Variants in SH3RF2 observed in about 807,000 individuals in gnomAD.
The protein encoded by SH3RF2 is E3 ubiquitin-protein ligase SH3RF2.
In SH3RF2, 43 loss-of-function variants were observed where a neutral mutation model predicts 59.0. The observed-to-expected ratio is 0.73, with a 90% CI of 0.57 to 0.94. SH3RF2 has a LOEUF of 0.94. SH3RF2 is among the 40% of genes least tolerant of loss of function. SH3RF2 has a pLI of 0.00. For missense variants in SH3RF2, 930 were observed against 940.1 expected (o/e 0.99, Z 0.14); for synonymous variants, 391 against 391.5 (o/e 1.00, Z 0.01).
intron 9 of SH3RF2, among the ~76,000 whole-genome samples, chr5:146,075,207 C>A (rs1763318286): frequency 6.6e-6 from 1 of 152,166 alleles, no homozygotes; most frequent in African/African-American, 2.4e-5. Flanking sequence ...GAAGCAGGAT[C>A]ACAAGAAATA....
At chr5:146,034,951 C>T (rs1283623264) in intron 5 of SH3RF2, among the ~76,000 whole-genome samples, 1 of 152,074 alleles carries the variant, frequency 6.6e-6, no homozygotes, top group Non-Finnish European at 1.5e-5. Context: ...ACTAAAAATA[C>T]AAAAGTTAGC....
At chr5:146,032,149 C>G (rs1761766051) in intron 5 of SH3RF2, among the ~76,000 whole-genome samples, 1 of 152,100 alleles carries the variant, frequency 6.6e-6, no homozygotes, top group South Asian at 2.1e-4. Flanking sequence ...CTTGTTTTAC[C>G]TGCCATCTCC....
At chr5:145,971,130 G>A (rs113704775) in intron 2 of SH3RF2, among the ~76,000 whole-genome samples, 3 of 152,314 alleles carry the variant, frequency 2.0e-5, no homozygotes, top group Middle Eastern at 3.4e-3. Flanking sequence ...CCTGCCCAAA[G>A]CAACCAGTGA....
chr5:146,063,552 G>A (rs935155023), downstream of SH3RF2, among the ~76,000 whole-genome samples: 1 of 152,196 alleles, frequency 6.6e-6, no homozygotes, highest in African/African-American at 2.4e-5. Flanking sequence ...TAGATATATA[G>A]TCTGACTTCA....
chr5:146,064,670 GAAAGAAAGAAAGAAAGAAAGAAAGAAA>G (rs1561773130), downstream of SH3RF2, among the ~76,000 whole-genome samples: 24 of 3,996 alleles, frequency 6.0e-3, 2 homozygotes, highest in African/African-American at 0.013. Flanking sequence ...GAAAGAGAAA[GAAAGAAAGAAAGAAAGAAAGAAAGAAA>G]GAAAGAAAGA....
chr5:146,057,084 A>C (rs571199633), intron 8 of SH3RF2, among the ~76,000 whole-genome samples: 7 of 152,354 alleles, frequency 4.6e-5, no homozygotes, highest in Non-Finnish European at 7.3e-5. Flanking sequence ...ATGTTCCCTG[A>C]ATTAAACTAA....
At chr5:146,059,561 CGT>C (rs144618502) in intron 8 of SH3RF2, among the ~76,000 whole-genome samples, 87 of 150,594 alleles carry the variant, frequency 5.8e-4, no homozygotes, top group East Asian at 9.7e-4. Flanking sequence ...TGTGTGTGTG[CGT>C]GTGTGTGTGT....
intron 5 of SH3RF2, among the ~76,000 whole-genome samples, chr5:146,023,338 A>C (rs1183986988): frequency 6.6e-6 from 1 of 152,112 alleles, no homozygotes. Flanking sequence ...CCATCCAAGA[A>C]GGTGGGATTA....
chr5:145,940,993 A>G (rs1757793396), intron 2 of SH3RF2, among the ~76,000 whole-genome samples: 1 of 152,208 alleles, frequency 6.6e-6, no homozygotes, highest in South Asian at 2.1e-4. Flanking sequence ...AATAGGTATT[A>G]TTATTGAACT....
intron 2 of SH3RF2, among the ~76,000 whole-genome samples, chr5:145,996,798 T>C (rs1446503334): frequency 2.6e-5 from 4 of 152,184 alleles, no homozygotes; most frequent in African/African-American, 9.7e-5. Flanking sequence ...CATCAGGTAA[T>C]CTGAGTTCAT....
downstream of SH3RF2, among the ~76,000 whole-genome samples, chr5:146,065,595 C>A (rs1763083563): frequency 6.6e-6 from 1 of 152,216 alleles, no homozygotes; most frequent in African/African-American, 2.4e-5. Context: ...TTTATTATCT[C>A]TTTGGGATAA....
chr5:145,953,144 ACACAAATAAT>A (rs1300083312), intron 2 of SH3RF2, among the ~76,000 whole-genome samples: 4 of 152,114 alleles, frequency 2.6e-5, no homozygotes, highest in African/African-American at 9.7e-5. Context: ...ACACACACAC[ACACAAATAAT>A]AAAAATAATT....
intron 5 of SH3RF2, among the ~76,000 whole-genome samples, chr5:146,029,116 A>G (rs1215406061): frequency 6.6e-6 from 1 of 152,198 alleles, no homozygotes; most frequent in Non-Finnish European, 1.5e-5. Context: ...AAAGGAACTC[A>G]TTTTGTGACA....
chr5:146,054,805 A>G (rs574753328), intron 7 of SH3RF2, among the ~76,000 whole-genome samples: 1 of 152,368 alleles, frequency 6.6e-6, no homozygotes, highest in South Asian at 2.1e-4. Flanking sequence ...TAAATGACCT[A>G]AAGGAAAACT....
rs2149934104 is a variant in SH3RF2, at chr5:145,936,687, T to C, written c.-114T>C. The C allele has an allele frequency of 6.6e-6, 1 of 152,418 alleles. No individual in the cohort carries two copies. Among genetic ancestry groups the C allele is most frequent in the Admixed American group, 6.5e-5 (1 of 15,306 alleles). The allele number at this position is 152,418 out of a possible 1,614,324, so 9.4% of individuals were successfully genotyped here. A position where few individuals can be genotyped will look rare whatever the true frequency, so the allele number is the denominator to read the frequency against. On this transcript the variant is annotated 5_prime_UTR_variant, in exon 1 of 10. The change abolishes an upstream ATG in the 5' untranslated region. Coordinates refer to ENST00000359120, the MANE Select transcript of SH3RF2 (RefSeq NM_152550.4). ...TGAGCTGAACTCAGCAGAAGTTACA[T>C]GCACAAGGTTAGTGGCCCCCACACG...
At chr5:146,007,346 T>C (rs1760687388) in intron 4 of SH3RF2, among the ~76,000 whole-genome samples, 1 of 152,166 alleles carries the variant, frequency 6.6e-6, no homozygotes, top group Admixed American at 6.5e-5. Context: ...GACTTTGGGA[T>C]TGACAGAGGC....
chr5:146,030,076 A>T (rs1328310039), intron 5 of SH3RF2, among the ~76,000 whole-genome samples: 2 of 152,224 alleles, frequency 1.3e-5, no homozygotes, highest in Non-Finnish European at 2.9e-5. Flanking sequence ...CGCTGAGTAT[A>T]GGGCAACTCT....
intron 5 of SH3RF2, among the ~76,000 whole-genome samples, chr5:146,042,264 C>T (rs1762152741): frequency 6.6e-6 from 1 of 152,212 alleles, no homozygotes; most frequent in African/African-American, 2.4e-5. Flanking sequence ...GGGTCCTGCT[C>T]TCAGTCCAAG....
intron 5 of SH3RF2, among the ~76,000 whole-genome samples, chr5:146,041,880 A>C (rs1260774960): frequency 6.6e-6 from 1 of 152,182 alleles, no homozygotes; most frequent in African/African-American, 2.4e-5. Context: ...GCAGTGAGCC[A>C]TGATTGCACC....
Sources: allele counts gnomAD v4.1 joint callset (sites outside exome capture counted in the v4.1 genomes callset), GRCh38; gene constraint gnomAD v4.1.1; transcripts MANE v1.5; gene names NCBI Gene and HGNC (gene_info 2026-07-23, HGNC 2026-07-21).